Variants in ACTR3C observed in about 807,000 individuals in gnomAD.
ACTR3C encodes the protein actin-related protein 3C.
Under a neutral mutation model 26.3 loss-of-function variants are expected in ACTR3C, and 18 were observed. The observed-to-expected ratio is 0.68, with a 90% CI of 0.47 to 1.01. ACTR3C has a LOEUF of 1.01. ACTR3C is among the 50% of genes least tolerant of loss of function. ACTR3C has a pLI of 0.00. For synonymous variants in ACTR3C, 55 were observed against 94.5 expected (o/e 0.58, Z 2.42); for missense variants, 184 against 250.7 (o/e 0.73, Z 1.80).
the ACTR3C span, among the ~76,000 whole-genome samples, chr7:150,195,072 C>T: frequency 1.0e-4 from 15 of 149,232 alleles, no homozygotes; most frequent in African/African-American, 3.7e-4. Flanking sequence ...CCAGCCTGGG[C>T]AACAGAGTGA....
At chr7:150,029,905 CCTT>C in the ACTR3C span, among the ~76,000 whole-genome samples, 2 of 150,846 alleles carry the variant, frequency 1.3e-5, no homozygotes, top group African/African-American at 2.5e-5. Flanking sequence ...GCTTTCTCCT[CCTT>C]CTCAAGGTTA....
chr7:150,177,093 C>A, the ACTR3C span, among the ~76,000 whole-genome samples: 1 of 146,852 alleles, frequency 6.8e-6, no homozygotes, highest in African/African-American at 2.7e-5. Context: ...GAAAGCACAC[C>A]CGGACTTTTA....
chr7:150,164,690 C>T, the ACTR3C span, among the ~76,000 whole-genome samples: 1 of 151,998 alleles, frequency 6.6e-6, no homozygotes, highest in Non-Finnish European at 1.5e-5. Flanking sequence ...TGTCATACTT[C>T]AGGCCAGGAG....
At chr7:149,979,613 T>C in the ACTR3C span, among the ~76,000 whole-genome samples, 1 of 152,178 alleles carries the variant, frequency 6.6e-6, no homozygotes, top group Non-Finnish European at 1.5e-5. Context: ...TTTGAGTTAC[T>C]AATTTGTAAC....
chr7:149,919,813 G>A, the ACTR3C span, among the ~76,000 whole-genome samples: 2 of 151,476 alleles, frequency 1.3e-5, no homozygotes, highest in Non-Finnish European at 2.9e-5. Flanking sequence ...GGTATACAAA[G>A]TCTGTTTTTA....
downstream of ACTR3C, among the ~76,000 whole-genome samples, chr7:150,240,995 G>T (rs1476308525): frequency 2.0e-5 from 3 of 152,066 alleles, no homozygotes; most frequent in Admixed American, 6.6e-5. Context: ...TTTAGTAAAA[G>T]TTGTGCAAAT....
the ACTR3C span, among the ~76,000 whole-genome samples, chr7:149,937,943 G>C: frequency 6.6e-6 from 1 of 152,130 alleles, no homozygotes; most frequent in Non-Finnish European, 1.5e-5. Context: ...TCCAGTCCCA[G>C]CGGGGAATGG....
chr7:150,004,376 T>C, the ACTR3C span: 81,419 of 151,854 alleles, frequency 0.54, 22,700 homozygotes, highest in South Asian at 0.63. Flanking sequence ...CACAAGGTGA[T>C]GCAAGCTCAC....
chr7:150,142,552 G>A, the ACTR3C span, among the ~76,000 whole-genome samples: 1 of 152,118 alleles, frequency 6.6e-6, no homozygotes, highest in Non-Finnish European at 1.5e-5. Flanking sequence ...TTTTTAAGAT[G>A]GAGTCTCACT....
At chr7:150,199,101 G>A in the ACTR3C span, among the ~76,000 whole-genome samples, 4 of 150,758 alleles carry the variant, frequency 2.7e-5, no homozygotes, top group African/African-American at 9.9e-5. Context: ...CCGTCTGGGA[G>A]GTGTGCCCAA....
chr7:149,889,689 T>A, the ACTR3C span, among the ~76,000 whole-genome samples: 1 of 152,040 alleles, frequency 6.6e-6, no homozygotes, highest in Admixed American at 6.6e-5. Flanking sequence ...CCACCCCATC[T>A]CCACAAAAAA....
At chr7:150,130,596 G>A in the ACTR3C span, among the ~76,000 whole-genome samples, 1 of 152,082 alleles carries the variant, frequency 6.6e-6, no homozygotes, top group Non-Finnish European at 1.5e-5. Flanking sequence ...TTCTAATAAC[G>A]TTAAACATAA....
chr7:150,198,781 G>T, the ACTR3C span, among the ~76,000 whole-genome samples: 1,446 of 130,816 alleles, frequency 0.011, 44 homozygotes, highest in East Asian at 0.09. Context: ...CGCCTGGCCA[G>T]CCGTGCCGTC....
At chr7:149,926,019 T>C in the ACTR3C span, among the ~76,000 whole-genome samples, 1 of 151,982 alleles carries the variant, frequency 6.6e-6, no homozygotes, top group Non-Finnish European at 1.5e-5. Context: ...GTGGAGACTG[T>C]GCCGCCGCAC....
chr7:150,040,798 C>A, the ACTR3C span: 2 of 146,554 alleles, frequency 1.4e-5, 1 homozygote, highest in Non-Finnish European at 3.0e-5. Context: ...CCCCGCCTTG[C>A]GGGGGGTGTC....
the ACTR3C span, among the ~76,000 whole-genome samples, chr7:150,040,112 G>T: frequency 6.1e-5 from 9 of 147,322 alleles, 1 homozygote; most frequent in East Asian, 3.9e-4. Flanking sequence ...AGAGGGGATG[G>T]ATCTCAGCCA....
At chr7:150,224,289 A>T in the ACTR3C span, among the ~76,000 whole-genome samples, 14,633 of 152,136 alleles carry the variant, frequency 0.096, 900 homozygotes, top group East Asian at 0.23. Context: ...GCCTCCAATG[A>T]TTTGTGTTTC....
the ACTR3C span, among the ~76,000 whole-genome samples, chr7:150,198,125 C>T: frequency 1.7e-4 from 26 of 151,486 alleles, no homozygotes; most frequent in East Asian, 4.8e-3. Context: ...GGATTGCAGA[C>T]GGAGTCTGGT....
At chr7:149,949,368 C>T in the ACTR3C span, among the ~76,000 whole-genome samples, 6 of 134,218 alleles carry the variant, frequency 4.5e-5, no homozygotes, top group African/African-American at 6.9e-5. Context: ...AGTAAGACTC[C>T]GACAGAAAAG....
Sources: allele counts gnomAD v4.1 joint callset (sites outside exome capture counted in the v4.1 genomes callset), GRCh38; gene constraint gnomAD v4.1.1; transcripts MANE v1.5; gene names NCBI Gene and HGNC (gene_info 2026-07-23, HGNC 2026-07-21).